C1QTNF3: variants seen among roughly 807,000 people sequenced by gnomAD.
C1QTNF3 encodes the protein C1q and TNF related 3, also known as complement C1q tumor necrosis factor-related protein 3.
Under a neutral mutation model 32.6 loss-of-function variants are expected in C1QTNF3, and 26 were observed. The observed-to-expected ratio is 0.80, with a 90% CI of 0.58 to 1.11. The LOEUF (loss-of-function observed/expected upper bound fraction) is 1.11, where lower values mean the gene tolerates loss of function less well. C1QTNF3 is among the 50% of genes least tolerant of loss of function. The probability of loss-of-function intolerance (pLI) is 0.00; values close to 1 mark genes in which losing one functional copy is unlikely to be tolerated. For synonymous variants in C1QTNF3, 155 were observed against 146.0 expected (o/e 1.06, Z -0.44); for missense variants, 362 against 398.2 (o/e 0.91, Z 0.77).
the C1QTNF3 span, among the ~76,000 whole-genome samples, chr5:34,224,008 CA>C: frequency 6.6e-6 from 1 of 152,018 alleles, no homozygotes; most frequent in Non-Finnish European, 1.5e-5. Context: ...ACACCAATAA[CA>C]GACAATCAGA....
chr5:34,237,315 A>C, the C1QTNF3 span, among the ~76,000 whole-genome samples: 1 of 152,206 alleles, frequency 6.6e-6, no homozygotes, highest in Non-Finnish European at 1.5e-5. Flanking sequence ...TTATAAAGCT[A>C]TTAGTCTATT....
the C1QTNF3 span, among the ~76,000 whole-genome samples, chr5:34,117,767 T>A: frequency 6.6e-6 from 1 of 151,540 alleles, no homozygotes; most frequent in East Asian, 1.9e-4. Context: ...TGAGACTCCA[T>A]CTCAAAATAA....
chr5:34,141,096 A>G, the C1QTNF3 span, among the ~76,000 whole-genome samples: 32 of 152,098 alleles, frequency 2.1e-4, no homozygotes, highest in East Asian at 4.6e-3. Context: ...GAAGTCTAAG[A>G]TGAATGTGTT....
chr5:34,134,519 T>A, the C1QTNF3 span, among the ~76,000 whole-genome samples: 1 of 152,098 alleles, frequency 6.6e-6, no homozygotes, highest in African/African-American at 2.4e-5. Flanking sequence ...AAAATAAAAA[T>A]AAAAAATTTA....
chr5:34,235,964 G>A, the C1QTNF3 span, among the ~76,000 whole-genome samples: 10 of 151,996 alleles, frequency 6.6e-5, no homozygotes, highest in African/African-American at 9.7e-5. Context: ...CTTTATGTCC[G>A]CATTCAAGAA....
the C1QTNF3 span, among the ~76,000 whole-genome samples, chr5:34,156,285 G>C: frequency 6.6e-6 from 1 of 152,092 alleles, no homozygotes; most frequent in Non-Finnish European, 1.5e-5. Context: ...TAGCCAGGCT[G>C]GTCTCAAGCT....
At chr5:34,213,866 C>A in the C1QTNF3 span, among the ~76,000 whole-genome samples, 1 of 114,596 alleles carries the variant, frequency 8.7e-6, no homozygotes. Context: ...GGCTGGAGTG[C>A]AATGGCATGG....
chr5:34,237,072 CAGATATAG>C, the C1QTNF3 span, among the ~76,000 whole-genome samples: 1 of 152,014 alleles, frequency 6.6e-6, no homozygotes, highest in Admixed American at 6.5e-5. Flanking sequence ...GTCATGGTGT[CAGATATAG>C]AGAATGATTG....
chr5:34,021,816 C>T (rs1754335538), intron 5 of C1QTNF3, among the ~76,000 whole-genome samples: 1 of 152,188 alleles, frequency 6.6e-6, no homozygotes, highest in Admixed American at 6.5e-5. Context: ...CTAACACATG[C>T]AGGGTTTGAA....
chr5:34,081,239 C>T, the C1QTNF3 span, among the ~76,000 whole-genome samples: 1 of 151,652 alleles, frequency 6.6e-6, no homozygotes, highest in African/African-American at 2.4e-5. Context: ...AAAAAATGAA[C>T]TTCCAATAAT....
At chr5:34,078,567 G>A in the C1QTNF3 span, among the ~76,000 whole-genome samples, 43 of 151,464 alleles carry the variant, frequency 2.8e-4, 2 homozygotes, top group African/African-American at 6.9e-4. This position sits in a 1 kb window ranked among gnomAD's most constrained non-coding sequence, Gnocchi z 4.0. Flanking sequence ...CTCCATGATC[G>A]AATCACCTCC....
the C1QTNF3 span, among the ~76,000 whole-genome samples, chr5:34,048,724 C>T: frequency 2.6e-5 from 4 of 152,044 alleles, no homozygotes; most frequent in Admixed American, 2.6e-4. Context: ...CCTTCTACAG[C>T]CATCCAGGAC....
At chr5:34,213,786 C>CATATATATATAT in the C1QTNF3 span, among the ~76,000 whole-genome samples, 240 of 15,382 alleles carry the variant, frequency 0.016, 18 homozygotes, top group Admixed American at 0.024. Context: ...TGTATATATA[C>CATATATATATAT]ATATATATAT....
chr5:34,177,621 G>T, the C1QTNF3 span, among the ~76,000 whole-genome samples: 1 of 151,588 alleles, frequency 6.6e-6, no homozygotes, highest in East Asian at 1.9e-4. Flanking sequence ...TGAGTAGCTG[G>T]GATTACAGGT....
chr5:34,139,446 A>C, the C1QTNF3 span, among the ~76,000 whole-genome samples: 4 of 152,126 alleles, frequency 2.6e-5, no homozygotes, highest in East Asian at 7.7e-4. Context: ...TCCCTAAATT[A>C]CTCTTGAGAT....
chr5:34,131,467 T>C, the C1QTNF3 span, among the ~76,000 whole-genome samples: 1 of 151,898 alleles, frequency 6.6e-6, no homozygotes, highest in Non-Finnish European at 1.5e-5. Context: ...TAATAGAAAC[T>C]ATAAGAAGCA....
At chr5:34,140,242 G>C in the C1QTNF3 span, among the ~76,000 whole-genome samples, 82 of 152,340 alleles carry the variant, frequency 5.4e-4, no homozygotes, top group African/African-American at 1.9e-3. Flanking sequence ...TTGGCAGACT[G>C]TACCAGTAAT....
the C1QTNF3 span, among the ~76,000 whole-genome samples, chr5:34,102,141 C>A: frequency 6.6e-6 from 1 of 151,010 alleles, no homozygotes; most frequent in African/African-American, 2.4e-5. Context: ...TGTTTACTCA[C>A]ACAAAAACAA....
chr5:34,084,965 T>G, the C1QTNF3 span, among the ~76,000 whole-genome samples: 37 of 148,436 alleles, frequency 2.5e-4, no homozygotes, highest in Admixed American at 2.5e-3. Flanking sequence ...GTTTTTACAG[T>G]TTTAGGTCTT....
Sources: gnomAD v4.1 joint callset for allele counts (sites outside exome capture counted in the v4.1 genomes callset) on GRCh38, gnomAD v4.1.1 for gene constraint, Gnocchi (gnomAD v3.1) non-coding constraint, MANE v1.5 for transcripts, NCBI Gene and HGNC (gene_info 2026-07-23, HGNC 2026-07-21) for gene names.